KIR2DL4: variants seen among roughly 807,000 people sequenced by gnomAD.
The protein encoded by KIR2DL4 is killer cell immunoglobulin like receptor, two Ig domains and long cytoplasmic tail 4.
KIR2DL4 carries 41 observed loss-of-function variants against 31.0 expected under a neutral mutation model. The ratio of observed to expected loss-of-function variants is 1.32; its 90% CI spans 1.03 to 1.72. The LOEUF is 1.72. Among genes scored for constraint, KIR2DL4 ranks in the 40% most tolerant of loss-of-function variants. The probability of loss-of-function intolerance (pLI) is 0.00; values close to 1 mark genes in which losing one functional copy is unlikely to be tolerated. For missense variants in KIR2DL4, 438 were observed against 353.7 expected (o/e 1.24, Z -1.91); for synonymous variants, 164 against 133.6 (o/e 1.23, Z -1.57).
At position 54,805,993 on chromosome 19, in the gene KIR2DL4, C is replaced by T. The variant is rs376428959; in HGVS notation, c.404C>T (p.Thr135Met). 93 of 1,610,036 alleles carry T rather than the reference C, an allele frequency of 5.8e-5. 4 individuals carry two copies. Among genetic ancestry groups the T allele is most frequent in the East Asian group, 1.8e-4 (8 of 44,780 alleles). Reference sequence around the variant, plus strand: ...TCGCTTACAGCCCGGCCGGGCCCCACGGTTCGCGCAGGAGAGAACGTGACC... The same window carrying T: ...TCGCTTACAGCCCGGCCGGGCCCCATGGTTCGCGCAGGAGAGAACGTGACC... Residue 135 changes from threonine (T) to methionine (M), a missense_variant, in exon 4 of 8, where the codon ACG becomes ATG. Transcript: ENST00000359085.
At chr19:54,811,352 C>G (rs1235616215) in intron 5 of KIR2DL4, among the ~76,000 whole-genome samples, 1 of 151,076 alleles carries the variant, frequency 6.6e-6, no homozygotes, top group Non-Finnish European at 1.5e-5. Context: ...GAGCCAAGAT[C>G]GCGTCATTGC....
At chr19:54,806,120 A>T in exon 4 of KIR2DL4, 1 of 1,612,078 alleles carries the variant, frequency 6.2e-7, no homozygotes, top group Non-Finnish European at 8.5e-7. Flanking sequence ...TCAATGGAAC[A>T]TTCCAGGCCG....
exon 8 of KIR2DL4, chr19:54,814,336 A>T: frequency 1.8e-6 from 1 of 565,232 alleles, no homozygotes; most frequent in Admixed American, 3.1e-5. Flanking sequence ...GGAACTCACA[A>T]TTCCAAACAT....
intron 7 of KIR2DL4, 25 bp downstream of exon 6, chr19:54,813,767 T>C: frequency 6.2e-7 from 1 of 1,611,544 alleles, no homozygotes; most frequent in Non-Finnish European, 8.5e-7. Context: ...CCCAGCCTCA[T>C]GGATACAGTC....
At chr19:54,813,996 C>G in exon 8 of KIR2DL4, 1 of 1,611,958 alleles carries the variant, frequency 6.2e-7, no homozygotes, top group Non-Finnish European at 8.5e-7. Flanking sequence ...GAGCCCAGAG[C>G]GTTGTCTCCT....
In KIR2DL4 at chr19:54,813,678, C is replaced by T. The variant is rs745502032; in HGVS notation, c.811-12C>T. The T allele has an allele frequency of 1.8e-5, 29 of 1,611,004 alleles. No individual in the cohort carries two copies. Among genetic ancestry groups the T allele is most frequent in the East Asian group, 1.6e-4 (7 of 44,820 alleles). The stretch of plus-strand genomic sequence containing the variant: ...CCCTCCCAGCTGTTTTGATTGCTTC[C>T]GTCTCCTACAGATGCTGCTGTAATG... On this transcript the variant is annotated splice_polypyrimidine_tract_variant and intron_variant, in intron 6 of 7. Transcript: ENST00000359085.
In KIR2DL4 at chr19:54,804,941, C is replaced by T. The variant is rs964216143; in HGVS notation, c.225C>T (p.Asn75=). The change falls in exon 3 of 8, where the codon AAC becomes AAT. Residue 75 remains asparagine, a synonymous_variant. Coordinates refer to ENST00000359085, the Ensembl canonical transcript of KIR2DL4. ...GGGTCCCTGTCCCTGAGCTCTACAA[C>T]AGAATATTCTGGAACAGTTTCCTCA... 5 of 1,612,218 alleles carry T rather than the reference C, an allele frequency of 3.1e-6. No individual in the cohort carries two copies. The East Asian group carries it at 1.1e-4, about 36-fold the overall frequency.
At position 54,813,749 on chromosome 19, in the gene KIR2DL4, C is replaced by A. The variant is rs1424228122; in HGVS notation, c.*41+7C>A. 1.2e-6 allele frequency: 2 copies of A among 1,611,202 alleles called. No homozygotes were observed. The highest frequency in any genetic ancestry group is 1.7e-6 in the Non-Finnish European group (2 of 1,179,288). On this transcript the variant is annotated splice_region_variant and intron_variant, in intron 7 of 7. Coordinates refer to ENST00000359085, the Ensembl canonical transcript of KIR2DL4. ...CAGAACAGTGAACAGGGAGGTAGGT[C>A]CTCCTAGCCCAGCCTCATGGATACA...
At position 54,804,876 on chromosome 19, in the gene KIR2DL4, C is replaced by T. The variant is rs758111394; in HGVS notation, c.160C>T (p.Arg54Cys). The T allele has an allele frequency of 2.2e-5, 36 of 1,612,124 alleles. 1 individual carries two copies. The highest frequency in any genetic ancestry group is 1.3e-4 in the Admixed American group (8 of 59,898). The change falls in exon 3 of 8, where the codon CGT becomes TGT. Residue 54 changes from arginine (R) to cysteine (C), a missense_variant. Transcript: ENST00000359085. ...ACACGTGACTCTTCGGTGTCACTATCGTCGTGGGTTTAACATCTTCACGCT... is the reference window on the plus strand; with the variant it reads ...ACACGTGACTCTTCGGTGTCACTATTGTCGTGGGTTTAACATCTTCACGCT...
intron 1 of KIR2DL4, 47 bp from the exon 2 acceptor site, chr19:54,803,844 G>A: frequency 1.3e-6 from 2 of 1,586,690 alleles, no homozygotes; most frequent in South Asian, 1.1e-5. Flanking sequence ...GGAGGAAAGG[G>A]TAGGTTGCTG....
chr19:54,808,149 CTT>C (rs2060637262), intron 4 of KIR2DL4, among the ~76,000 whole-genome samples: 1 of 149,970 alleles, frequency 6.7e-6, no homozygotes, highest in Non-Finnish European at 1.5e-5. Context: ...TGGGTTGTCT[CTT>C]CTTCACTTCA....
chr19:54,806,006 A>G lies in KIR2DL4; in HGVS notation c.417A>G (p.Gly139=), dbSNP rs765046665. 3.2e-5 allele frequency: 52 copies of G among 1,610,802 alleles called. 1 individual carries two copies. Among genetic ancestry groups the G allele is most frequent in the African/African-American group, 4.1e-5 (3 of 73,866 alleles). Residue 139 remains glycine, a synonymous_variant, in exon 4 of 8, where the codon GGA becomes GGG. Transcript: ENST00000359085. ...GGCCGGGCCCCACGGTTCGCGCAGGAGAGAACGTGACCTTGTCCTGCAGCT... is the reference window on the plus strand; with the variant it reads ...GGCCGGGCCCCACGGTTCGCGCAGGGGAGAACGTGACCTTGTCCTGCAGCT...
chr19:54,803,614 G>A lies in KIR2DL4; in HGVS notation c.-38G>A, dbSNP rs954519559. The A allele has an allele frequency of 2.7e-5, 43 of 1,611,778 alleles. 1 individual carries two copies. Among genetic ancestry groups the A allele is most frequent in the Non-Finnish European group, 3.1e-5 (36 of 1,179,554 alleles). ...ACCACATCCTCTGCACCGGTCAGTC[G>A]AGCCGAGTCACTGCGTCCTGGCAGC... is the stretch of plus-strand genomic sequence containing the variant. On this transcript the variant is annotated 5_prime_UTR_variant, in exon 1 of 8. Transcript: ENST00000359085.
chr19:54,811,669 A>G (rs2060876470), intron 5 of KIR2DL4, among the ~76,000 whole-genome samples: 1 of 151,098 alleles, frequency 6.6e-6, no homozygotes, highest in Non-Finnish European at 1.5e-5. Flanking sequence ...CAAATCCCCC[A>G]CCTCACCCCT....
In KIR2DL4 at chr19:54,813,753, C is replaced by CCCG; in HGVS notation, c.*41+11_*41+12insCCG. The CCCG allele has an allele frequency of 3.1e-6, 5 of 1,611,488 alleles. No homozygotes were observed. In the African/African-American group the frequency reaches 6.7e-5, roughly 22 times the overall value. ...ACAGTGAACAGGGAGGTAGGTCCTC[C>CCCG]TAGCCCAGCCTCATGGATACAGTCT... On this transcript the variant is annotated intron_variant, in intron 7 of 7. Transcript: ENST00000359085.
chr19:54,804,916 G>A lies in KIR2DL4; in HGVS notation c.200G>A (p.Gly67Glu), dbSNP rs1025255569. Residue 67 changes from glycine to glutamate, a missense_variant, in exon 3 of 8, where the codon GGG becomes GAG. Physicochemically the swap from Gly to Glu is moderately conservative, Grantham distance 98. Transcript: ENST00000359085. ...ATCTTCACGCTGTACAAGAAAGATG[G>A]GGTCCCTGTCCCTGAGCTCTACAAC... The A allele has an allele frequency of 1.9e-6, 3 of 1,612,170 alleles. 1 individual carries two copies. Among genetic ancestry groups the A allele is most frequent in the Non-Finnish European group, 2.5e-6 (3 of 1,179,706 alleles).
chr19:54,806,354 C>A (rs1352784419), intron 4 of KIR2DL4, 110 bp downstream of exon 4: 3 of 1,238,414 alleles, frequency 2.4e-6, no homozygotes, highest in Non-Finnish European at 3.4e-6. Flanking sequence ...GAAGATGCAG[C>A]ATGGTGTGAG....
At chr19:54,804,066 T>C in intron 2 of KIR2DL4, 140 bp downstream of exon 2, 1 of 822,088 alleles carries the variant, frequency 1.2e-6, no homozygotes, top group South Asian at 1.5e-5. Flanking sequence ...CATGAACTAG[T>C]AAGAGGAGAT....
At position 54,808,133 on chromosome 19, in the gene KIR2DL4, A is replaced by T. The variant is rs1601167944; in HGVS notation, c.656-700A>T. On this transcript the variant is annotated intron_variant, in intron 4 of 7. Coordinates refer to ENST00000359085, the Ensembl canonical transcript of KIR2DL4. ...GCATAGTTTGCAAATATTTGCTCCC[A>T]TTCTGTGGGTTGTCTCTTCTTCACT... 3.3e-5 allele frequency among the ~76,000 whole-genome samples: 5 copies of T among 150,164 alleles called. 1 individual carries two copies. The highest frequency in any genetic ancestry group is 1.2e-4 in the African/African-American group (5 of 40,306).
Sources: gnomAD v4.1 joint callset for allele counts (sites outside exome capture counted in the v4.1 genomes callset) on GRCh38, gnomAD v4.1.1 for gene constraint, MANE v1.5 for transcripts, NCBI Gene and HGNC (gene_info 2026-07-23, HGNC 2026-07-21) for gene names.